MIOS: variants seen among roughly 807,000 people sequenced by gnomAD.
MIOS encodes the protein GATOR2 complex protein MIOS.
Under a neutral mutation model 96.9 loss-of-function variants are expected in MIOS, and 52 were observed. The observed-to-expected ratio is 0.54, with a 90% CI of 0.43 to 0.68. MIOS has a LOEUF of 0.68. MIOS is among the 30% of genes least tolerant of loss of function. The pLI is 0.00. For missense variants in MIOS, 1,005 were observed against 1,052.8 expected (o/e 0.95, Z 0.63); for synonymous variants, 397 against 359.5 (o/e 1.10, Z -1.18).
At chr7:7,567,247 C>G (rs1268280892) in intron 1 of MIOS, 175 bp downstream of exon 1, 1 of 152,250 alleles carries the variant, frequency 6.6e-6, no homozygotes, top group Non-Finnish European at 1.5e-5. Flanking sequence ...CGGGAGCCAC[C>G]GGGGGCTGCG....
intron 11 of MIOS, among the ~76,000 whole-genome samples, chr7:7,599,177 T>G (rs139005245): frequency 1.1e-3 from 165 of 152,278 alleles, no homozygotes; most frequent in African/African-American, 3.8e-3. Context: ...AAAATAAAAT[T>G]ACGGTAATCT....
chr7:7,597,517 T>TATATATATATATATAAAAAA lies in MIOS; in HGVS notation c.2401+1056_2401+1057insATATATATATATATAAAAAA, dbSNP rs372634070. 2.6e-3 allele frequency among the ~76,000 whole-genome samples: 184 copies of TATATATATATATATAAAAAA among 70,438 alleles called. 32 individuals carry two copies. The highest frequency in any genetic ancestry group is 3.4e-3 in the Non-Finnish European group (124 of 36,494). 46.2% of individuals were successfully genotyped at this position (70,438 alleles called of 152,430 possible). A position where few individuals can be genotyped will look rare whatever the true frequency, so the allele number is the denominator to read the frequency against. ...ATATATATATATATATATATATATA[T>TATATATATATATATAAAAAA]GAAGGCAATACGTAATGTTTTAAAT... On this transcript the variant is annotated intron_variant, in intron 11 of 12. Coordinates refer to ENST00000340080, the MANE Select transcript of MIOS (RefSeq NM_019005.4).
intron 11 of MIOS, chr7:7,605,247 CTCT>C (rs1467091758): frequency 6.6e-6 from 1 of 151,650 alleles, no homozygotes; most frequent in African/African-American, 2.4e-5. Context: ...TCTGCTTTTT[CTCT>C]TCTTTGAAAG....
At chr7:7,568,972 T>A (rs1783251996) in intron 3 of MIOS, among the ~76,000 whole-genome samples, 1 of 152,238 alleles carries the variant, frequency 6.6e-6, no homozygotes, top group Non-Finnish European at 1.5e-5. Context: ...AAACTCGTAT[T>A]TTATGTTTTG....
In MIOS at chr7:7,566,966, G is replaced by A. The variant is rs1007593564; in HGVS notation, c.-327G>A. 6.6e-6 allele frequency: 1 copy of A among 152,112 alleles called. No individual in the cohort carries two copies. Among genetic ancestry groups the A allele is most frequent in the African/African-American group, 2.4e-5 (1 of 41,442 alleles). 9.4% of individuals were successfully genotyped at this position (152,112 alleles called of 1,614,324 possible). A position where few individuals can be genotyped will look rare whatever the true frequency, so the allele number is the denominator to read the frequency against. ...GTCCCAGCCCAGTGGTCCAGGTCAC[G>A]GGCCGCACGGCCGCGGCCGCCATCT... On this transcript the variant is annotated 5_prime_UTR_variant, in exon 1 of 13. Coordinates refer to ENST00000340080, the MANE Select transcript of MIOS (RefSeq NM_019005.4).
intron 5 of MIOS, 28 bp from the exon 6 acceptor site, chr7:7,583,090 A>G (rs2115406480): frequency 6.3e-7 from 1 of 1,581,892 alleles, no homozygotes; most frequent in East Asian, 2.2e-5. Context: ...TTGAAATAAA[A>G]CAATATAAAA....
At chr7:7,604,924 T>A (rs1784483586) in intron 11 of MIOS, among the ~76,000 whole-genome samples, 1 of 152,196 alleles carries the variant, frequency 6.6e-6, no homozygotes, top group Non-Finnish European at 1.5e-5. Context: ...CCCTTTCCTT[T>A]TTGCCCTCTC....
At chr7:7,567,984 A>G (rs1169931904) in intron 2 of MIOS, 42 bp from the exon 3 acceptor site, 1 of 151,578 alleles carries the variant, frequency 6.6e-6, no homozygotes, top group Non-Finnish European at 1.5e-5. Context: ...GCTACTAGAA[A>G]TTTTTAAATC....
intron 11 of MIOS, among the ~76,000 whole-genome samples, chr7:7,597,517 T>TATATATAAAAAA (rs372634070): frequency 0.023 from 1,604 of 70,390 alleles, 356 homozygotes; most frequent in East Asian, 0.035. Flanking sequence ...TATATATATA[T>TATATATAAAAAA]GAAGGCAATA....
At chr7:7,605,826 A>C (rs1367058150) in intron 11 of MIOS, 116 bp from the exon 12 acceptor site, 2 of 1,055,572 alleles carry the variant, frequency 1.9e-6, no homozygotes, top group Non-Finnish European at 2.7e-6. Flanking sequence ...CAAAATTGCT[A>C]TTTCAATATG....
intron 11 of MIOS, among the ~76,000 whole-genome samples, chr7:7,601,744 C>A (rs1184505643): frequency 1.3e-5 from 2 of 152,094 alleles, no homozygotes; most frequent in Admixed American, 6.6e-5. Flanking sequence ...CATCCTGATA[C>A]CAAAGACTGG....
At chr7:7,595,505 A>G (rs1215501100) in intron 10 of MIOS, among the ~76,000 whole-genome samples, 1 of 152,160 alleles carries the variant, frequency 6.6e-6, no homozygotes, top group Admixed American at 6.6e-5. Context: ...TATTACCTAT[A>G]TCTATATGTT....
intron 6 of MIOS, 69 bp downstream of exon 6, chr7:7,583,441 A>G (rs1783793639): frequency 1.6e-5 from 22 of 1,415,970 alleles, no homozygotes; most frequent in Non-Finnish European, 2.1e-5. Context: ...TCTTTTAAAG[A>G]AAAGAGGCTA....
chr7:7,583,435 T>A, intron 6 of MIOS, 63 bp downstream of exon 6: 1 of 1,442,548 alleles, frequency 6.9e-7, no homozygotes, highest in Non-Finnish European at 9.2e-7. Context: ...ATGGAATCTT[T>A]TAAAGAAAAG....
At chr7:7,574,781 A>G (rs1318181129) in intron 5 of MIOS, among the ~76,000 whole-genome samples, 1 of 148,558 alleles carries the variant, frequency 6.7e-6, no homozygotes, top group East Asian at 2.1e-4. Context: ...GACAAAAACC[A>G]AACTTTTTTT....
chr7:7,574,257 C>G, intron 5 of MIOS, 61 bp downstream of exon 5: 1 of 1,284,296 alleles, frequency 7.8e-7, no homozygotes. Flanking sequence ...TTTATTTTGC[C>G]CCCTGTCATT....
At chr7:7,571,111 T>A (rs1002880697) in intron 3 of MIOS, among the ~76,000 whole-genome samples, 1 of 152,230 alleles carries the variant, frequency 6.6e-6, no homozygotes, top group Non-Finnish European at 1.5e-5. Flanking sequence ...AGCTTTACCT[T>A]ATGAGAACTG....
chr7:7,605,127 A>G (rs1000784593), intron 11 of MIOS: 2 of 152,196 alleles, frequency 1.3e-5, no homozygotes, highest in East Asian at 1.9e-4. Flanking sequence ...AATTTTTAAC[A>G]TAGTTATCGA....
chr7:7,602,311 A>T lies in MIOS; in HGVS notation c.2402-3631A>T, dbSNP rs1282243833. ...CCCTGTTTGCAGATGACATGATTGT[A>T]TACCTAGAAATCCCCATTGTCTCAG... is the stretch of plus-strand genomic sequence containing the variant. On this transcript the variant is annotated intron_variant, in intron 11 of 12. Coordinates refer to ENST00000340080, the MANE Select transcript of MIOS (RefSeq NM_019005.4). Among the ~76,000 whole-genome samples the T allele has an allele frequency of 3.3e-5, 5 of 152,238 alleles. No homozygotes were observed. The East Asian group carries it at 9.6e-4, about 29-fold the overall frequency.
Sources: gnomAD v4.1 joint callset for allele counts (sites outside exome capture counted in the v4.1 genomes callset) on GRCh38, gnomAD v4.1.1 for gene constraint, MANE v1.5 for transcripts, NCBI Gene and HGNC (gene_info 2026-07-23, HGNC 2026-07-21) for gene names.